Variants in VWC2L observed in about 807,000 individuals in gnomAD.
VWC2L encodes von Willebrand factor C domain containing 2 like.
In VWC2L, 10 loss-of-function variants were observed where a neutral mutation model predicts 21.6. The ratio of observed to expected loss-of-function variants is 0.46; its 90% CI spans 0.29 to 0.78. The LOEUF (loss-of-function observed/expected upper bound fraction) is 0.78. VWC2L is among the 30% of genes least tolerant of loss of function. The pLI is 0.10. For synonymous variants in VWC2L, 96 were observed against 94.3 expected (o/e 1.02, Z -0.10); for missense variants, 209 against 277.1 (o/e 0.75, Z 1.74).
chr2:214,507,753 A>C (rs1323578769), intron 3 of VWC2L, among the ~76,000 whole-genome samples: 4 of 152,192 alleles, frequency 2.6e-5, no homozygotes, highest in African/African-American at 9.7e-5. Flanking sequence ...ATTTCTATTG[A>C]ACAGCCTTGG....
intron 3 of VWC2L, among the ~76,000 whole-genome samples, chr2:214,473,180 C>T (rs1703335668): frequency 6.6e-6 from 1 of 152,258 alleles, no homozygotes; most frequent in East Asian, 1.9e-4. Context: ...AAGCTGAGTA[C>T]ATTTCAATCA....
intron 3 of VWC2L, among the ~76,000 whole-genome samples, chr2:214,460,963 G>C (rs1232112691): frequency 1.3e-5 from 2 of 152,142 alleles, no homozygotes; most frequent in Non-Finnish European, 2.9e-5. Context: ...GGTAGGAAAT[G>C]TTAGTTTTGA....
At chr2:214,505,310 C>G (rs1688952495) in intron 3 of VWC2L, among the ~76,000 whole-genome samples, 1 of 152,058 alleles carries the variant, frequency 6.6e-6, no homozygotes, top group Non-Finnish European at 1.5e-5. Flanking sequence ...ACCTAATAAC[C>G]AAAACAAACA....
At chr2:214,495,791 C>A (rs996900584) in intron 3 of VWC2L, among the ~76,000 whole-genome samples, 1 of 152,160 alleles carries the variant, frequency 6.6e-6, no homozygotes, top group Non-Finnish European at 1.5e-5. Flanking sequence ...TTATTTTACA[C>A]ATAAGGATAT....
chr2:214,534,406 A>C (rs570223338), intron 3 of VWC2L, among the ~76,000 whole-genome samples: 1 of 152,152 alleles, frequency 6.6e-6, no homozygotes, highest in Admixed American at 6.6e-5. Flanking sequence ...ACGCATAACA[A>C]CTGCAGTTGT....
intron 3 of VWC2L, among the ~76,000 whole-genome samples, chr2:214,535,592 T>C (rs1689513038): frequency 6.6e-6 from 1 of 152,098 alleles, no homozygotes. Context: ...TTATAAACCA[T>C]GAGCTTTTGT....
At chr2:214,561,750 G>A (rs1046685366) in intron 3 of VWC2L, among the ~76,000 whole-genome samples, 10 of 142,392 alleles carry the variant, frequency 7.0e-5, no homozygotes, top group African/African-American at 1.6e-4. Flanking sequence ...ACTTCAACCC[G>A]GGCAACCAGA....
chr2:214,551,272 G>T (rs985150778), intron 3 of VWC2L, among the ~76,000 whole-genome samples: 1 of 152,144 alleles, frequency 6.6e-6, no homozygotes, highest in African/African-American at 2.4e-5. Flanking sequence ...ATTCAAGATA[G>T]GAAAGAATAT....
intron 3 of VWC2L, among the ~76,000 whole-genome samples, chr2:214,521,493 C>T (rs918508800): frequency 2.0e-5 from 3 of 152,078 alleles, no homozygotes; most frequent in Admixed American, 1.3e-4. Flanking sequence ...TTTTTGCTTT[C>T]TTGTCAATGA....
chr2:214,474,217 T>C (rs1688465634), intron 3 of VWC2L, among the ~76,000 whole-genome samples: 1 of 152,210 alleles, frequency 6.6e-6, no homozygotes, highest in Non-Finnish European at 1.5e-5. Flanking sequence ...TTCTTCACTT[T>C]TTAAGAGAAG....
chr2:214,546,314 C>T (rs919490151), intron 3 of VWC2L, among the ~76,000 whole-genome samples: 3 of 152,118 alleles, frequency 2.0e-5, no homozygotes, highest in Admixed American at 6.6e-5. Flanking sequence ...TCCATATGCT[C>T]ATTGTGTTCA....
intron 3 of VWC2L, among the ~76,000 whole-genome samples, chr2:214,460,344 A>G (rs1703121910): frequency 6.6e-6 from 1 of 152,182 alleles, no homozygotes; most frequent in South Asian, 2.1e-4. Context: ...ATTTTGTTAA[A>G]CAGATTTACT....
At chr2:214,473,132 C>T (rs1703334818) in intron 3 of VWC2L, among the ~76,000 whole-genome samples, 1 of 152,050 alleles carries the variant, frequency 6.6e-6, no homozygotes, top group South Asian at 2.1e-4. Flanking sequence ...TGGAATAGTC[C>T]TAAGATTATT....
intron 3 of VWC2L, among the ~76,000 whole-genome samples, chr2:214,498,807 C>A (rs1477918168): frequency 1.3e-5 from 2 of 149,290 alleles, no homozygotes; most frequent in African/African-American, 2.5e-5. Flanking sequence ...ATAAATCTAC[C>A]ACTGGATTGT....
chr2:214,536,462 T>C (rs1689530384), intron 3 of VWC2L, among the ~76,000 whole-genome samples: 1 of 152,084 alleles, frequency 6.6e-6, no homozygotes, highest in Admixed American at 6.6e-5. Flanking sequence ...CAGCACTTAC[T>C]TAATCCACCA....
At chr2:214,561,025 C>T (rs764900443) in intron 3 of VWC2L, among the ~76,000 whole-genome samples, 1 of 152,346 alleles carries the variant, frequency 6.6e-6, no homozygotes, top group Middle Eastern at 3.4e-3. Context: ...ACTATGTTCT[C>T]TTCCTGGTTT....
Position 214,575,942 on chromosome 2 carries a change from C to A in VWC2L, c.*122C>A. 1.7e-6 allele frequency: 2 copies of A among 1,165,080 alleles called. No individual in the cohort carries two copies. The highest frequency in any genetic ancestry group is 2.4e-6 in the Non-Finnish European group (2 of 837,036). The allele number at this position is 1,165,080 out of a possible 1,614,324, so 72.2% of individuals were successfully genotyped here. The stretch of plus-strand genomic sequence containing the variant: ...AGCTACAACAGGGTCACCAGCAAAA[C>A]TTTCTAGGGTTGACAAAAGTGAATA... On this transcript the variant is annotated 3_prime_UTR_variant, in exon 4 of 4. Coordinates refer to ENST00000312504, the MANE Select transcript of VWC2L (RefSeq NM_001080500.4).
chr2:214,569,899 G>A (rs1690124698), intron 3 of VWC2L, among the ~76,000 whole-genome samples: 1 of 152,142 alleles, frequency 6.6e-6, no homozygotes, highest in Admixed American at 6.5e-5. Context: ...GACTGGAAGA[G>A]GTGTAACCAG....
intron 3 of VWC2L, among the ~76,000 whole-genome samples, chr2:214,572,395 T>A (rs1690162576): frequency 6.6e-6 from 1 of 152,198 alleles, no homozygotes; most frequent in South Asian, 2.1e-4. Context: ...CAGCCTTCAG[T>A]TTAATCATTT....
Sources: gnomAD v4.1 joint callset for allele counts (sites outside exome capture counted in the v4.1 genomes callset) on GRCh38, gnomAD v4.1.1 for gene constraint, MANE v1.5 for transcripts, NCBI Gene and HGNC (gene_info 2026-07-23, HGNC 2026-07-21) for gene names.